The following KIR2DL1 variants were observed in gnomAD, a reference collection of about 807,000 sequenced individuals.
The protein encoded by KIR2DL1 is killer cell immunoglobulin like receptor, two Ig domains and long cytoplasmic tail 1, also known as killer cell immunoglobulin-like receptor 2DL1.
Under a neutral mutation model 33.9 loss-of-function variants are expected in KIR2DL1, and 38 were observed. The ratio of observed to expected loss-of-function variants is 1.12; its 90% CI spans 0.86 to 1.47. The LOEUF (loss-of-function observed/expected upper bound fraction) is 1.47. Among genes scored for constraint, KIR2DL1 ranks in the 40% most tolerant of loss-of-function variants. The pLI is 0.00. For missense variants in KIR2DL1, 531 were observed against 433.9 expected (o/e 1.22, Z -1.99); for synonymous variants, 179 against 165.9 (o/e 1.08, Z -0.61).
rs910744267 is a variant in KIR2DL1 at position 54,781,261 on chromosome 19, T to C, written c.716-1661T>C. On this transcript the variant is annotated intron_variant, in intron 5 of 7. Coordinates refer to ENST00000336077, the MANE Select transcript of KIR2DL1 (RefSeq NM_014218.3). ...CTGAATTCCAATCATCGTTTTTCTA[T>C]TTCTCTATAATTACTTCTTTGATCC... 9.0e-5 allele frequency among the ~76,000 whole-genome samples: 13 copies of C among 144,986 alleles called. 1 individual carries two copies. Among genetic ancestry groups the C allele is most frequent in the Non-Finnish European group, 1.2e-4 (8 of 65,556 alleles).
chr19:54,775,401 CA>C lies in KIR2DL1; in HGVS notation c.608del (p.His203LeufsTer45), dbSNP rs2076212663. On this transcript the variant is annotated frameshift_variant, in exon 4 of 8. Transcript: ENST00000336077. LOFTEE classifies it high-confidence loss of function. ...GGTYRCFGSF[H>X]DSPYEWSKSS... Reference sequence around the variant, plus strand: ...GACCTACAGATGCTTCGGCTCTTTCCATGACTCTCCATACGAGTGGTCAAAG... The same window carrying C: ...GACCTACAGATGCTTCGGCTCTTTCCTGACTCTCCATACGAGTGGTCAAAG... 6.3e-7 allele frequency: 1 copy of C among 1,584,074 alleles called. No individual in the cohort carries two copies. The highest frequency in any genetic ancestry group is 8.6e-7 in the Non-Finnish European group (1 of 1,156,294).
Position 54,770,770 on chromosome 19 carries a change from G to A in KIR2DL1, c.35-79G>A, listed in dbSNP as rs1216358843. 9.5e-5 allele frequency: 147 copies of A among 1,540,440 alleles called. 17 individuals are homozygous for A. Among genetic ancestry groups the A allele is most frequent in the Non-Finnish European group, 1.3e-4 (145 of 1,117,692 alleles). On this transcript the variant is annotated intron_variant, in intron 1 of 7. Coordinates refer to ENST00000336077, the MANE Select transcript of KIR2DL1 (RefSeq NM_014218.3). ...AGCCCAGGAAGGGCCTGGCTACCAA[G>A]ACTCACAGCCCAGTGGGGGCAGCAA...
At position 54,783,023 on chromosome 19, in the gene KIR2DL1, A is replaced by AG; in HGVS notation, c.817+1dup. The AG allele has an allele frequency of 6.2e-7, 1 of 1,613,290 alleles. No individual in the cohort carries two copies. On this transcript the variant is annotated frameshift_variant and splice_region_variant. Transcript: ENST00000336077. LOFTEE classifies it high-confidence loss of function. The stretch of plus-strand genomic sequence containing the variant: ...TCATCGCTGGTGCTCCAACAAAAAA[A>AG]GTAAGTCTCACGAAGCAGAGGCCAG...
chr19:54,781,550 G>C (rs2076946903), intron 5 of KIR2DL1, among the ~76,000 whole-genome samples: 1 of 150,792 alleles, frequency 6.6e-6, no homozygotes, highest in African/African-American at 2.4e-5. Flanking sequence ...CCAGATCTTG[G>C]AATCAGAGAT....
At chr19:54,779,140 G>A (rs560678099) in intron 5 of KIR2DL1, among the ~76,000 whole-genome samples, 2 of 148,316 alleles carry the variant, frequency 1.3e-5, no homozygotes, top group East Asian at 1.9e-4. Flanking sequence ...CGCACACTTC[G>A]ACTCACTGAC....
chr19:54,772,916 C>A (rs200824951), intron 2 of KIR2DL1, among the ~76,000 whole-genome samples: 10,866 of 117,236 alleles, frequency 0.093, 1 homozygote, highest in South Asian at 0.15. Flanking sequence ...GGGTGTGTGG[C>A]CACTGGTGCC....
rs372676808 is a variant in KIR2DL1, at chr19:54,782,949, T to C, written c.743T>C (p.Ile248Thr). The change falls in exon 6 of 8, where the codon ATT becomes ACT. Residue 248 changes from isoleucine (I) to threonine (T), a missense_variant. Ile to Thr is a moderately conservative substitution (Grantham distance 89). Coordinates refer to ENST00000336077, the MANE Select transcript of KIR2DL1 (RefSeq NM_014218.3). ...TGNPRHLHIL[I>T]GTSVVIILFI... ...AACCCCCGACACCTGCACATTCTGA[T>C]TGGGACCTCAGTGGTCATCATCCTC... 1.9e-6 allele frequency: 3 copies of C among 1,613,792 alleles called. No homozygotes were observed. Among genetic ancestry groups the C allele is most frequent in the East Asian group, 4.5e-5 (2 of 44,872 alleles).
Position 54,784,209 on chromosome 19 carries a change from G to T in KIR2DL1, c.*396G>T. 2.9e-6 allele frequency: 1 copy of T among 346,186 alleles called. No individual in the cohort carries two copies. The highest frequency in any genetic ancestry group is 5.3e-6 in the Non-Finnish European group (1 of 188,384). The allele number at this position is 346,186 out of a possible 1,614,324, so 21.4% of individuals were successfully genotyped here. The stretch of plus-strand genomic sequence containing the variant: ...GTGTTGTTCCACCTTCCCTCATGCT[G>T]TTCCACCTCCCCTCAGACTAGCTTT... On this transcript the variant is annotated 3_prime_UTR_variant, in exon 8 of 8. Coordinates refer to ENST00000336077, the MANE Select transcript of KIR2DL1 (RefSeq NM_014218.3).
In KIR2DL1 at chr19:54,783,813, A is replaced by G; in HGVS notation, c.1047A>G (p.Ter349TrpextTer11). Residue 349 changes from the stop codon to tryptophan (W), a stop_lost, in exon 8 of 8, where the codon TGA becomes TGG. Transcript: ENST00000336077. Reference sequence around the variant, plus strand: ...GATCCAAAGTTGTCTCCTGCCCATGAGCACCACAGTCAGGCCTTGAGGGCG... The same window carrying G: ...GATCCAAAGTTGTCTCCTGCCCATGGGCACCACAGTCAGGCCTTGAGGGCG... ...ESRSKVVSCP[*>W] is the part of the protein sequence containing the mutation. 6.2e-7 allele frequency: 1 copy of G among 1,613,984 alleles called. No homozygotes were observed. Among genetic ancestry groups the G allele is most frequent in the Non-Finnish European group, 8.5e-7 (1 of 1,179,950 alleles).
At chr19:54,782,626 C>G (rs930637263) in intron 5 of KIR2DL1, among the ~76,000 whole-genome samples, 1 of 152,052 alleles carries the variant, frequency 6.6e-6, no homozygotes, top group South Asian at 2.1e-4. Flanking sequence ...GATGGATCCA[C>G]CTCCATGACC....
intron 5 of KIR2DL1, chr19:54,779,949 A>C: frequency 2.7e-6 from 1 of 365,924 alleles, no homozygotes; most frequent in Admixed American, 4.6e-5. Context: ...TCCAGGCTAC[A>C]GTGCAGTGTC....
chr19:54,771,618 A>T lies in KIR2DL1; in HGVS notation c.70+734A>T, dbSNP rs1442230435. ...GTGCCTCCTTCTCCCCACGGTGGTC[A>T]GGACAAGCCCTTGCTGTCTGCCTGG... On this transcript the variant is annotated intron_variant, in intron 2 of 7. Transcript: ENST00000336077. Among the ~76,000 whole-genome samples the T allele has an allele frequency of 1.4e-5, 2 of 147,870 alleles. 1 individual carries two copies. Among genetic ancestry groups the T allele is most frequent in the Non-Finnish European group, 3.0e-5 (2 of 66,006 alleles).
chr19:54,775,540 C>A lies in KIR2DL1; in HGVS notation c.664+82C>A, dbSNP rs568511144. 472 of 1,441,274 alleles carry A rather than the reference C, an allele frequency of 3.3e-4. No homozygotes were observed. In the African/African-American group the frequency reaches 6.3e-3, roughly 19 times the overall value. 89.3% of individuals were successfully genotyped at this position (1,441,274 alleles called of 1,614,324 possible). On this transcript the variant is annotated intron_variant, in intron 4 of 7. Coordinates refer to ENST00000336077, the MANE Select transcript of KIR2DL1 (RefSeq NM_014218.3). ...GCTTCCTGCTGAGGATGGAGAGAAGCATGGACAGATGCAGAGAGAAGACGC... is the reference window on the plus strand; with the variant it reads ...GCTTCCTGCTGAGGATGGAGAGAAGAATGGACAGATGCAGAGAGAAGACGC...
chr19:54,773,715 G>A lies in KIR2DL1; in HGVS notation c.370+83G>A. ...GAATTGGAGACCCAGGTGGCTGTAAGGAAGATGAGCTTGGTATTCTTATGG... is the reference window on the plus strand; with the variant it reads ...GAATTGGAGACCCAGGTGGCTGTAAAGAAGATGAGCTTGGTATTCTTATGG... On this transcript the variant is annotated intron_variant, in intron 3 of 7. Transcript: ENST00000336077. The A allele has an allele frequency of 1.5e-6, 2 of 1,375,866 alleles. 1 individual carries two copies. The allele number at this position is 1,375,866 out of a possible 1,614,324, so 85.2% of individuals were successfully genotyped here.
At chr19:54,781,677 C>T (rs1201398201) in intron 5 of KIR2DL1, among the ~76,000 whole-genome samples, 2 of 152,062 alleles carry the variant, frequency 1.3e-5, no homozygotes, top group East Asian at 1.9e-4. Flanking sequence ...GGTAGAACAG[C>T]AGCCTAATAT....
rs1471595630 is a variant in KIR2DL1 at position 54,782,926 on chromosome 19, C to A, written c.720C>A (p.Asn240Lys). 4 of 1,613,468 alleles carry A rather than the reference C, an allele frequency of 2.5e-6. No homozygotes were observed. In the African/African-American group the frequency reaches 4.0e-5, roughly 16 times the overall value. The change falls in exon 6 of 8, where the codon AAC (asparagine) becomes AAA (lysine). Residue 240 changes from asparagine to lysine, a missense_variant. Coordinates refer to ENST00000336077, the MANE Select transcript of KIR2DL1 (RefSeq NM_014218.3). The part of the protein sequence containing the change: ...SPTEPSSKTG[N>K]PRHLHILIGT... ...TGGTGTCTCATCTTCTTCCAGGTAA[C>A]CCCCGACACCTGCACATTCTGATTG...
Position 54,773,483 on chromosome 19 carries a change from G to C in KIR2DL1, c.221G>C (p.Gly74Ala). ...GMFNDTLRLI[G>A]EHHDGVSKAN... ...TTTAACGACACTTTGCGCCTCATTG[G>C]AGAACACCATGATGGGGTCTCCAAG... Residue 74 changes from glycine (G) to alanine (A), a missense_variant, in exon 3 of 8, where the codon GGA becomes GCA. Coordinates refer to ENST00000336077, the MANE Select transcript of KIR2DL1 (RefSeq NM_014218.3). 6.3e-7 allele frequency: 1 copy of C among 1,586,664 alleles called. No individual in the cohort carries two copies. The highest frequency in any genetic ancestry group is 1.7e-4 in the Middle Eastern group (1 of 5,986).
At chr19:54,777,918 T>C (rs1430991596) in intron 4 of KIR2DL1, among the ~76,000 whole-genome samples, 2 of 148,350 alleles carry the variant, frequency 1.3e-5, no homozygotes, top group African/African-American at 2.5e-5. Flanking sequence ...CACTGTTTAT[T>C]GAAAAGACTG....
chr19:54,773,822 G>A (rs2147466692), intron 3 of KIR2DL1, among the ~76,000 whole-genome samples, 190 bp downstream of exon 3: 1 of 148,190 alleles, frequency 6.7e-6, no homozygotes, highest in East Asian at 1.9e-4. Context: ...TCATAACAGA[G>A]AACAGACACA....
Sources: gnomAD v4.1 joint callset for allele counts (sites outside exome capture counted in the v4.1 genomes callset) on GRCh38, gnomAD v4.1.1 for gene constraint, MANE v1.5 for transcripts, NCBI Gene and HGNC (gene_info 2026-07-23, HGNC 2026-07-21) for gene names.